The following ATXN7L1 variants were observed in gnomAD, a reference collection of about 807,000 sequenced individuals.
ATXN7L1 encodes ataxin 7 like 1.
Under a neutral mutation model 70.8 loss-of-function variants are expected in ATXN7L1, and 15 were observed. That is an observed-to-expected ratio of 0.21 (90% CI 0.14 to 0.33). The LOEUF (loss-of-function observed/expected upper bound fraction) is 0.33, where lower values mean the gene tolerates loss of function less well. Among genes scored for constraint, ATXN7L1 ranks in the 10% least tolerant of loss-of-function variants. ATXN7L1 has a pLI of 1.00. For missense variants in ATXN7L1, 975 were observed against 1,097.1 expected (o/e 0.89, Z 1.57); for synonymous variants, 440 against 445.1 (o/e 0.99, Z 0.14).
chr7:105,608,082 G>A (rs553993375), intron 11 of ATXN7L1, among the ~76,000 whole-genome samples, 192 bp from the exon 12 acceptor site: 35 of 152,292 alleles, frequency 2.3e-4, no homozygotes, highest in East Asian at 1.2e-3. Context: ...ATGAGGTGAC[G>A]GATCCATGCA....
intron 3 of ATXN7L1, among the ~76,000 whole-genome samples, chr7:105,668,021 C>A (rs950556988): frequency 6.6e-6 from 1 of 152,104 alleles, no homozygotes; most frequent in Non-Finnish European, 1.5e-5. Context: ...AGAAATATTT[C>A]TTGGTTTAGG....
intron 3 of ATXN7L1, among the ~76,000 whole-genome samples, chr7:105,725,217 A>C (rs1795665856): frequency 6.6e-6 from 1 of 152,158 alleles, no homozygotes; most frequent in Non-Finnish European, 1.5e-5. Flanking sequence ...AGAGAGAAGA[A>C]AGAGAGAGTT....
chr7:105,638,571 C>A lies in ATXN7L1; in HGVS notation c.984G>T (p.Arg328=), dbSNP rs1381659400. 1.3e-6 allele frequency: 2 copies of A among 1,551,774 alleles called. No homozygotes were observed. The highest frequency in any genetic ancestry group is 2.0e-5 in the Admixed American group (1 of 50,976). The change falls in exon 7 of 12, where the codon CGG becomes CGT. Residue 328 remains arginine, a synonymous_variant. Transcript: ENST00000419735. ...CCAGGAGGAGGTCAAATTGCTTTTTCCGGCCTGGGACTGCCCTCCGATGGC... is the reference window on the plus strand; with the variant it reads ...CCAGGAGGAGGTCAAATTGCTTTTTACGGCCTGGGACTGCCCTCCGATGGC... ...SLSHRRAVPG[R]KKQFDLLLAE...
At chr7:105,670,652 A>G (rs563240423) in intron 3 of ATXN7L1, among the ~76,000 whole-genome samples, 1 of 131,178 alleles carries the variant, frequency 7.6e-6, no homozygotes, top group East Asian at 2.1e-4. Context: ...TCTACCTACT[A>G]TTTATCTTTA....
At chr7:105,704,584 C>A (rs1346837938) in intron 3 of ATXN7L1, among the ~76,000 whole-genome samples, 1 of 89,502 alleles carries the variant, frequency 1.1e-5, no homozygotes, top group Non-Finnish European at 2.2e-5. Context: ...GGTTTTATCT[C>A]TTTTTTTTTT....
intron 3 of ATXN7L1, chr7:105,679,315 G>T: frequency 4.4e-6 from 1 of 225,950 alleles, no homozygotes; most frequent in Non-Finnish European, 7.4e-6. Flanking sequence ...GTCAGAGGCA[G>T]CAGGCTCCTC....
chr7:105,664,529 TAA>T (rs1802249494), intron 4 of ATXN7L1, among the ~76,000 whole-genome samples: 1 of 141,948 alleles, frequency 7.0e-6, no homozygotes, highest in Non-Finnish European at 1.5e-5. Context: ...TACATATGTA[TAA>T]TATATATATG....
chr7:105,612,523 G>A (rs1162759530), intron 10 of ATXN7L1, among the ~76,000 whole-genome samples: 1 of 152,198 alleles, frequency 6.6e-6, no homozygotes, highest in African/African-American at 2.4e-5. Context: ...TCAAACTTGA[G>A]AGGCCTTGGC....
intron 3 of ATXN7L1, among the ~76,000 whole-genome samples, chr7:105,732,392 G>A (rs1374820652): frequency 1.3e-5 from 2 of 152,094 alleles, no homozygotes; most frequent in African/African-American, 2.4e-5. Context: ...CAGTCTGGGC[G>A]ACAATAAAAG....
Position 105,605,734 on chromosome 7 carries a change from C to T in ATXN7L1, c.*2118G>A, listed in dbSNP as rs1284995025. The stretch of plus-strand genomic sequence containing the variant: ...AAAATAAATTATAAAAAACAACAGA[C>T]CTCTGAAACCGAACAAGACAAAATT... On this transcript the variant is annotated 3_prime_UTR_variant, in exon 12 of 12. Coordinates refer to ENST00000419735, the MANE Select transcript of ATXN7L1 (RefSeq NM_020725.2). 1 of 152,100 alleles carries T rather than the reference C, an allele frequency of 6.6e-6. No individual in the cohort carries two copies. Among genetic ancestry groups the T allele is most frequent in the Admixed American group, 6.6e-5 (1 of 15,254 alleles). The allele number at this position is 152,100 out of a possible 1,614,324, so 9.4% of individuals were successfully genotyped here.
At chr7:105,831,379 T>G (rs1352379859) in intron 2 of ATXN7L1, among the ~76,000 whole-genome samples, 3 of 152,210 alleles carry the variant, frequency 2.0e-5, no homozygotes, top group Non-Finnish European at 4.4e-5. Flanking sequence ...AGAAAGCAAT[T>G]TGTTGTAACA....
intron 4 of ATXN7L1, among the ~76,000 whole-genome samples, chr7:105,659,459 G>C (rs1454220171): frequency 1.3e-5 from 2 of 152,212 alleles, no homozygotes; most frequent in East Asian, 3.8e-4. Context: ...GCCGACCAGA[G>C]AAAGTGTCAC....
chr7:105,864,144 C>T (rs938888131), intron 2 of ATXN7L1, among the ~76,000 whole-genome samples: 2 of 152,068 alleles, frequency 1.3e-5, no homozygotes, highest in South Asian at 4.2e-4. Flanking sequence ...ACAGAGCCAC[C>T]TGAGGAGCCT....
At chr7:105,664,567 A>G (rs143966914) in intron 4 of ATXN7L1, among the ~76,000 whole-genome samples, 6,094 of 117,486 alleles carry the variant, frequency 0.052, 550 homozygotes, top group African/African-American at 0.16. Flanking sequence ...TATATTATGT[A>G]TGTGTGTGTA....
At chr7:105,619,978 G>A (rs534312156) in intron 9 of ATXN7L1, among the ~76,000 whole-genome samples, 1 of 152,220 alleles carries the variant, frequency 6.6e-6, no homozygotes, top group Non-Finnish European at 1.5e-5. Flanking sequence ...ACACAAAAAT[G>A]GTCTCCAAAA....
intron 2 of ATXN7L1, among the ~76,000 whole-genome samples, chr7:105,856,403 T>A (rs1815729794): frequency 6.6e-6 from 1 of 152,020 alleles, no homozygotes; most frequent in African/African-American, 2.4e-5. Flanking sequence ...CTGGCCAACA[T>A]GGTGAAACCC....
At chr7:105,839,944 C>A (rs951929645) in intron 2 of ATXN7L1, among the ~76,000 whole-genome samples, 1 of 152,236 alleles carries the variant, frequency 6.6e-6, no homozygotes, top group Non-Finnish European at 1.5e-5. Flanking sequence ...GCTAATTCTG[C>A]ATGGGTCTGA....
At chr7:105,765,125 G>A (rs941770137) in intron 3 of ATXN7L1, among the ~76,000 whole-genome samples, 1 of 152,000 alleles carries the variant, frequency 6.6e-6, no homozygotes, top group African/African-American at 2.4e-5. Context: ...CTTGAGGTCA[G>A]GAGTTCGAGA....
At chr7:105,805,285 A>G (rs1807402256) in intron 2 of ATXN7L1, among the ~76,000 whole-genome samples, 1 of 152,160 alleles carries the variant, frequency 6.6e-6, no homozygotes, top group African/African-American at 2.4e-5. Context: ...GGCAGGCGAG[A>G]ACTTGCCAGG....
Sources: allele counts gnomAD v4.1 joint callset (sites outside exome capture counted in the v4.1 genomes callset), GRCh38; gene constraint gnomAD v4.1.1; transcripts MANE v1.5; gene names NCBI Gene and HGNC (gene_info 2026-07-23, HGNC 2026-07-21).